Variants in SFMBT2 observed in about 807,000 individuals in gnomAD.
SFMBT2 encodes scm-like with four MBT domains protein 2.
Under a neutral mutation model 110.1 loss-of-function variants are expected in SFMBT2, and 38 were observed. The observed-to-expected ratio is 0.35, with a 90% confidence interval of 0.27 to 0.45. SFMBT2 has a LOEUF of 0.45. Among genes scored for constraint, SFMBT2 ranks in the 20% least tolerant of loss-of-function variants. The probability of loss-of-function intolerance (pLI) is 1.00; values close to 1 mark genes in which losing one functional copy is unlikely to be tolerated. For missense variants in SFMBT2, 1,011 were observed against 1,094.9 expected (o/e 0.92, Z 1.08); for synonymous variants, 425 against 425.4 (o/e 1.00, Z 0.01).
At chr10:7,180,106 C>T (rs1445871358) in intron 16 of SFMBT2, among the ~76,000 whole-genome samples, 2 of 147,320 alleles carry the variant, frequency 1.4e-5, no homozygotes, top group Non-Finnish European at 3.0e-5. Context: ...CAGTTGTGGC[C>T]CTTTTATTTA....
chr10:7,381,754 T>A, intron 2 of SFMBT2, 45 bp downstream of exon 2: 1 of 1,589,914 alleles, frequency 6.3e-7, no homozygotes. Flanking sequence ...AAGATATTGA[T>A]CAATTCATCA....
intron 16 of SFMBT2, among the ~76,000 whole-genome samples, chr10:7,183,814 C>G (rs939376790): frequency 6.6e-6 from 1 of 152,204 alleles, no homozygotes; most frequent in Non-Finnish European, 1.5e-5. Context: ...GTTCTTCTGA[C>G]GAAAGCCTTT....
chr10:7,350,462 T>C (rs1588471126), intron 4 of SFMBT2, among the ~76,000 whole-genome samples: 1 of 152,230 alleles, frequency 6.6e-6, no homozygotes, highest in African/African-American at 2.4e-5. Flanking sequence ...CGGCTCCAGC[T>C]TCTGTCCTCT....
chr10:7,321,153 G>A (rs76921198), intron 4 of SFMBT2, among the ~76,000 whole-genome samples: 1,899 of 150,252 alleles, frequency 0.013, 42 homozygotes, highest in African/African-American at 0.045. Context: ...TCTCTTCTTT[G>A]AAAAGGAGAG....
chr10:7,299,881 G>A (rs187620477), intron 4 of SFMBT2, among the ~76,000 whole-genome samples: 13 of 152,126 alleles, frequency 8.5e-5, no homozygotes, highest in African/African-American at 2.9e-4. Context: ...TTACTATAGC[G>A]AAGACATGGA....
intron 4 of SFMBT2, among the ~76,000 whole-genome samples, chr10:7,329,853 G>A (rs1843512487): frequency 6.6e-6 from 1 of 152,236 alleles, no homozygotes; most frequent in Non-Finnish European, 1.5e-5. Context: ...GTCACCCGAG[G>A]TCACTCGGGC....
intron 15 of SFMBT2, among the ~76,000 whole-genome samples, chr10:7,190,087 C>A (rs1246354420): frequency 6.6e-6 from 1 of 152,188 alleles, no homozygotes; most frequent in East Asian, 1.9e-4. Flanking sequence ...CTTTTCTCTG[C>A]CTGGGTAACA....
intron 4 of SFMBT2, 116 bp from the exon 5 acceptor site, chr10:7,286,070 T>C (rs1842078396): frequency 4.6e-6 from 3 of 655,832 alleles, no homozygotes; most frequent in Non-Finnish European, 8.3e-6. Context: ...AGGTTTGATT[T>C]CAATGTTTTT....
intron 9 of SFMBT2, among the ~76,000 whole-genome samples, chr10:7,228,727 CTTTCT>C (rs1839998271): frequency 6.5e-5 from 6 of 91,926 alleles, no homozygotes; most frequent in African/African-American, 5.8e-5. Context: ...TTCTTTCTTT[CTTTCT>C]TTCCTTTCTC....
chr10:7,211,510 G>A (rs1839347330), intron 11 of SFMBT2, among the ~76,000 whole-genome samples: 1 of 152,178 alleles, frequency 6.6e-6, no homozygotes, highest in Admixed American at 6.5e-5. Context: ...GACAGCCAGA[G>A]CCAGTCCTGC....
chr10:7,387,726 T>A (rs879669108), intron 1 of SFMBT2, among the ~76,000 whole-genome samples: 42 of 150,568 alleles, frequency 2.8e-4, no homozygotes, highest in Non-Finnish European at 4.7e-4. Flanking sequence ...AGGCCAGGAG[T>A]TTGAGACCAG....
At position 7,377,960 on chromosome 10, in the gene SFMBT2, T is replaced by TGG. The variant is rs568885194; in HGVS notation, c.100+3837_100+3838dup. Among the ~76,000 whole-genome samples, 290 of 42,178 alleles carry TGG rather than the reference T, an allele frequency of 6.9e-3. 6 individuals carry two copies. The highest frequency in any genetic ancestry group is 0.045 in the Middle Eastern group (4 of 88). The allele number at this position is 42,178 out of a possible 152,430, so 27.7% of individuals were successfully genotyped here. On this transcript the variant is annotated intron_variant, in intron 2 of 20. Transcript: ENST00000397167. ...GTGTCTGTACCCCCAAAATTTTGTG[T>TGG]GGGGGGGGGTTGTGTGTGTGGGGGG...
chr10:7,283,633 A>G (rs1842008173), intron 6 of SFMBT2, among the ~76,000 whole-genome samples: 1 of 152,196 alleles, frequency 6.6e-6, no homozygotes, highest in African/African-American at 2.4e-5. Context: ...GTCTCAATCT[A>G]CTGTGTCTTT....
chr10:7,164,746 AACACACACACACAC>A (rs58744416), intron 20 of SFMBT2, among the ~76,000 whole-genome samples: 230 of 137,846 alleles, frequency 1.7e-3, no homozygotes, highest in Middle Eastern at 7.2e-3. Context: ...CATAAAGGGA[AACACACACACACAC>A]ACACACACAC....
chr10:7,261,052 CT>C (rs1386140430), intron 7 of SFMBT2, among the ~76,000 whole-genome samples: 1 of 152,028 alleles, frequency 6.6e-6, no homozygotes, highest in Non-Finnish European at 1.5e-5. Context: ...TAGAAATTAA[CT>C]TCTCTGAGCC....
chr10:7,173,186 C>T (rs1837944394), intron 17 of SFMBT2, among the ~76,000 whole-genome samples: 1 of 152,190 alleles, frequency 6.6e-6, no homozygotes, highest in Non-Finnish European at 1.5e-5. Context: ...TTGTTGTAAG[C>T]CAGAGCTGAC....
intron 1 of SFMBT2, among the ~76,000 whole-genome samples, chr10:7,385,488 A>G (rs2132090475): frequency 6.6e-6 from 1 of 152,362 alleles, no homozygotes; most frequent in Admixed American, 6.5e-5. Context: ...TGGAGCAAAC[A>G]AAGGTAAACC....
chr10:7,388,517 C>G (rs544876967), intron 1 of SFMBT2, among the ~76,000 whole-genome samples: 1 of 148,340 alleles, frequency 6.7e-6, no homozygotes, highest in Admixed American at 6.7e-5. Flanking sequence ...CTGACCATAC[C>G]CAGCTAATTT....
chr10:7,220,521 C>T lies in SFMBT2; in HGVS notation c.1220G>A (p.Gly407Asp), dbSNP rs1217927305. The T allele has an allele frequency of 3.1e-6, 5 of 1,614,014 alleles. No homozygotes were observed. The Middle Eastern group carries it at 4.9e-4, about 159-fold the overall frequency. The change falls in exon 11 of 21, where the codon GGT becomes GAT. Residue 407 changes from glycine to aspartate, a missense_variant. By Grantham distance (94) the Gly-to-Asp change is moderately conservative. Coordinates refer to ENST00000397167, the MANE Select transcript of SFMBT2 (RefSeq NM_001387889.1). Reference sequence around the variant, plus strand: ...TTCAAGTTTCATGTTCTTTGTGAAACCTCGACTGAATGATGTCTGCAAGAG... The same window carrying T: ...TTCAAGTTTCATGTTCTTTGTGAAATCTCGACTGAATGATGTCTGCAAGAG... Reference protein sequence around the residue: ...FCFRNTSFSRGFTKNMKLEAV... With the variant: ...FCFRNTSFSRDFTKNMKLEAV...
Sources: allele counts gnomAD v4.1 joint callset (sites outside exome capture counted in the v4.1 genomes callset), GRCh38; gene constraint gnomAD v4.1.1; transcripts MANE v1.5; gene names NCBI Gene and HGNC (gene_info 2026-07-23, HGNC 2026-07-21).